Variants in SRBD1 observed in about 807,000 individuals in gnomAD.
SRBD1 encodes the protein S1 RNA binding domain 1.
A neutral mutation model predicts 115.3 loss-of-function variants in SRBD1; 88 were observed. The ratio of observed to expected loss-of-function variants is 0.76; its 90% CI spans 0.64 to 0.91. The LOEUF is 0.91. Among genes scored for constraint, SRBD1 ranks in the 40% least tolerant of loss-of-function variants. The probability of loss-of-function intolerance (pLI) is 0.00; values close to 1 mark genes in which losing one functional copy is unlikely to be tolerated. For synonymous variants in SRBD1, 509 were observed against 407.7 expected (o/e 1.25, Z -2.99); for missense variants, 1,385 against 1,177.4 (o/e 1.18, Z -2.58).
At chr2:45,545,528 T>TA (rs1441094516) in intron 14 of SRBD1, among the ~76,000 whole-genome samples, 2 of 151,154 alleles carry the variant, frequency 1.3e-5, no homozygotes, top group African/African-American at 2.4e-5. Context: ...GTGAACAAGT[T>TA]AAAAAAAAAT....
chr2:45,552,344 C>T (rs935391232), intron 11 of SRBD1, among the ~76,000 whole-genome samples: 2 of 152,094 alleles, frequency 1.3e-5, no homozygotes, highest in African/African-American at 4.8e-5. Context: ...TTATTTTAAC[C>T]ATGGGCATTT....
rs767418953 is a variant in SRBD1 at position 45,596,952 on chromosome 2, C to CACACA, written c.648+2496_648+2497insTGTGT. Among the ~76,000 whole-genome samples, 118 of 90,554 alleles carry CACACA rather than the reference C, an allele frequency of 1.3e-3. No individual in the cohort carries two copies. The Middle Eastern group carries it at 0.019, about 14-fold the overall frequency. 59.4% of individuals were successfully genotyped at this position (90,554 alleles called of 152,430 possible). On this transcript the variant is annotated intron_variant, in intron 4 of 20. Coordinates refer to ENST00000263736, the MANE Select transcript of SRBD1 (RefSeq NM_018079.5). The stretch of plus-strand genomic sequence containing the variant: ...CTAACACACACACACACACACACAC[C>CACACA]CACAACCCTAACACACACACCCACA...
At chr2:45,433,221 T>C (rs1431225641) in intron 16 of SRBD1, among the ~76,000 whole-genome samples, 1 of 152,144 alleles carries the variant, frequency 6.6e-6, no homozygotes, top group African/African-American at 2.4e-5. Context: ...GCTCGGTCAC[T>C]AGGGTAAATG....
intron 1 of SRBD1, among the ~76,000 whole-genome samples, chr2:45,608,269 ATTTC>A (rs2104272723): frequency 6.6e-6 from 1 of 152,304 alleles, no homozygotes; most frequent in South Asian, 2.1e-4. Flanking sequence ...GAGTTGTAAT[ATTTC>A]TTTTCACAAA....
intron 4 of SRBD1, among the ~76,000 whole-genome samples, chr2:45,586,955 T>A (rs1265660476): frequency 6.8e-6 from 1 of 146,596 alleles, no homozygotes; most frequent in East Asian, 2.0e-4. Context: ...TTTAAAATTA[T>A]TTTAAATTAT....
At chr2:45,596,990 ACACAC>A (rs755857773) in intron 4 of SRBD1, among the ~76,000 whole-genome samples, 10,874 of 101,226 alleles carry the variant, frequency 0.11, 702 homozygotes, top group African/African-American at 0.19. Context: ...CACAACCCTC[ACACAC>A]ACACACACAC....
rs3835990 is a variant in SRBD1, at chr2:45,461,658, GC to G, written c.2049+15334del. Among the ~76,000 whole-genome samples, 66 of 150,960 alleles carry G rather than the reference GC, an allele frequency of 4.4e-4. 2 individuals are homozygous for G. Among genetic ancestry groups the G allele is most frequent in the South Asian group, 1.7e-3 (8 of 4,746 alleles). On this transcript the variant is annotated intron_variant, in intron 16 of 20. Coordinates refer to ENST00000263736, the MANE Select transcript of SRBD1 (RefSeq NM_018079.5). ...ACTTTTAAACCTCAGAGATTCAACT[GC>G]CCCCCCCAACTTTTAAATCTCAGAG... is the stretch of plus-strand genomic sequence containing the variant.
chr2:45,418,149 C>T (rs1460681971), intron 18 of SRBD1, among the ~76,000 whole-genome samples: 1 of 152,166 alleles, frequency 6.6e-6, no homozygotes, highest in Non-Finnish European at 1.5e-5. Context: ...TTGTCTGTGT[C>T]ACATGTTAAA....
At chr2:45,492,781 C>G (rs1235819000) in intron 14 of SRBD1, among the ~76,000 whole-genome samples, 2 of 152,114 alleles carry the variant, frequency 1.3e-5, no homozygotes, top group Non-Finnish European at 2.9e-5. Flanking sequence ...ACAGTTTTCA[C>G]CTTCATTTAC....
At chr2:45,598,577 C>T (rs1157253426) in intron 4 of SRBD1, among the ~76,000 whole-genome samples, 1 of 151,578 alleles carries the variant, frequency 6.6e-6, no homozygotes, top group Non-Finnish European at 1.5e-5. Flanking sequence ...TGCATTCTAG[C>T]CTGGGCGACA....
intron 2 of SRBD1, among the ~76,000 whole-genome samples, chr2:45,604,404 G>A (rs945802353): frequency 1.3e-5 from 2 of 151,910 alleles, no homozygotes; most frequent in African/African-American, 4.8e-5. Context: ...AGGAAGGGGA[G>A]GGCTTAGAAT....
intron 15 of SRBD1, among the ~76,000 whole-genome samples, chr2:45,485,140 C>T (rs1308289679): frequency 6.6e-6 from 1 of 152,088 alleles, no homozygotes; most frequent in Admixed American, 6.6e-5. Context: ...GGTCTCGTTG[C>T]TTTTTAAACA....
At chr2:45,465,334 T>A (rs1669453293) in intron 16 of SRBD1, among the ~76,000 whole-genome samples, 1 of 152,146 alleles carries the variant, frequency 6.6e-6, no homozygotes, top group Admixed American at 6.5e-5. Context: ...CTCTCAATAT[T>A]TTCAATCCAT....
chr2:45,474,704 T>G (rs912365911), intron 16 of SRBD1, among the ~76,000 whole-genome samples: 2 of 152,224 alleles, frequency 1.3e-5, no homozygotes, highest in Non-Finnish European at 2.9e-5. Context: ...CTGTATATGT[T>G]TTGAACTGTG....
chr2:45,515,872 C>A (rs1336167041), intron 14 of SRBD1, among the ~76,000 whole-genome samples: 1 of 152,190 alleles, frequency 6.6e-6, no homozygotes, highest in Admixed American at 6.5e-5. Flanking sequence ...GTAGGCAGGT[C>A]ATAAATTCAC....
intron 15 of SRBD1, among the ~76,000 whole-genome samples, chr2:45,482,639 C>G (rs1670001077): frequency 6.6e-6 from 1 of 151,760 alleles, no homozygotes; most frequent in South Asian, 2.1e-4. Context: ...CACACACACA[C>G]ACACACAAAC....
intron 19 of SRBD1, among the ~76,000 whole-genome samples, chr2:45,399,597 T>A (rs1558552536): frequency 6.6e-6 from 1 of 152,106 alleles, no homozygotes; most frequent in Non-Finnish European, 1.5e-5. Context: ...ACAGATTACA[T>A]CTTCATTAGC....
At chr2:45,516,435 C>T (rs1490874976) in intron 14 of SRBD1, among the ~76,000 whole-genome samples, 2 of 152,036 alleles carry the variant, frequency 1.3e-5, no homozygotes, top group Non-Finnish European at 2.9e-5. Flanking sequence ...TGATGAGAAG[C>T]CTTTAAAATG....
intron 15 of SRBD1, among the ~76,000 whole-genome samples, chr2:45,486,323 T>C (rs1670117477): frequency 6.6e-6 from 1 of 152,202 alleles, no homozygotes; most frequent in Admixed American, 6.5e-5. Flanking sequence ...AATTCTGGAT[T>C]TTATTTTTTT....
Sources: gnomAD v4.1 joint callset for allele counts (sites outside exome capture counted in the v4.1 genomes callset) on GRCh38, gnomAD v4.1.1 for gene constraint, MANE v1.5 for transcripts, NCBI Gene and HGNC (gene_info 2026-07-23, HGNC 2026-07-21) for gene names.